FYB1: variants seen among roughly 807,000 people sequenced by gnomAD.
The protein encoded by FYB1 is FYN binding protein 1.
FYB1 carries 41 observed loss-of-function variants against 94.1 expected under a neutral mutation model. That is an observed-to-expected ratio of 0.44 (90% CI 0.34 to 0.57). The LOEUF is 0.57. Among genes scored for constraint, FYB1 ranks in the 20% least tolerant of loss-of-function variants. The probability of loss-of-function intolerance (pLI) is 0.02; values close to 1 mark genes in which losing one functional copy is unlikely to be tolerated. For missense variants in FYB1, 1,050 were observed against 976.8 expected (o/e 1.07, Z -1.00); for synonymous variants, 367 against 353.2 (o/e 1.04, Z -0.44).
chr5:39,208,534 T>C (rs915520077), intron 1 of FYB1, among the ~76,000 whole-genome samples: 3 of 152,194 alleles, frequency 2.0e-5, no homozygotes, highest in Non-Finnish European at 2.9e-5. Context: ...CTGCTGGTTC[T>C]TCTTATGGAA....
At chr5:39,142,257 G>A (rs958382593) in intron 3 of FYB1, among the ~76,000 whole-genome samples, 9 of 152,074 alleles carry the variant, frequency 5.9e-5, no homozygotes, top group African/African-American at 2.2e-4. Flanking sequence ...TATTAAAAAT[G>A]TTTACCACTT....
intron 1 of FYB1, among the ~76,000 whole-genome samples, chr5:39,245,691 C>T (rs1250501755): frequency 2.6e-5 from 4 of 152,018 alleles, no homozygotes; most frequent in East Asian, 1.9e-4. Context: ...CTCCACCTCC[C>T]GGGTTCAAGT....
chr5:39,130,649 GA>G, intron 9 of FYB1, 37 bp from the exon 10 acceptor site: 1 of 1,491,462 alleles, frequency 6.7e-7, no homozygotes, highest in Non-Finnish European at 9.2e-7. Flanking sequence ...GTTAATCTAT[GA>G]ATTACTTAGC....
At chr5:39,115,826 A>C (rs1275762253) in intron 16 of FYB1, among the ~76,000 whole-genome samples, 1 of 152,166 alleles carries the variant, frequency 6.6e-6, no homozygotes, top group Non-Finnish European at 1.5e-5. Context: ...CTTAACCCGA[A>C]AGTCAGTAAC....
intron 2 of FYB1, among the ~76,000 whole-genome samples, chr5:39,161,639 T>C (rs1200242540): frequency 3.9e-5 from 6 of 152,132 alleles, no homozygotes; most frequent in Non-Finnish European, 8.8e-5. Flanking sequence ...GGATTTACCT[T>C]ATTTTATGTG....
Position 39,270,474 on chromosome 5 carries a change from T to C in FYB1, c.-28+3929A>G, listed in dbSNP as rs561989400. Reference sequence around the variant, plus strand: ...CAAAATCCCAAAGGCTCAGAGGACCTGACTGTGAAGCACCCTCAACTCTGA... The same window carrying C: ...CAAAATCCCAAAGGCTCAGAGGACCCGACTGTGAAGCACCCTCAACTCTGA... On this transcript the variant is annotated intron_variant, in intron 1 of 1. Transcript: ENST00000510188. 30 of 1,211,136 alleles carry C rather than the reference T, an allele frequency of 2.5e-5. No individual in the cohort carries two copies. The East Asian group carries it at 7.3e-4, about 30-fold the overall frequency. The allele number at this position is 1,211,136 out of a possible 1,614,324, so 75.0% of individuals were successfully genotyped here. A position where few individuals can be genotyped will look rare whatever the true frequency, so the allele number is the denominator to read the frequency against.
upstream of FYB1, among the ~76,000 whole-genome samples, chr5:39,220,351 C>T (rs1750181853): frequency 6.7e-6 from 1 of 148,776 alleles, no homozygotes; most frequent in Non-Finnish European, 1.5e-5. Flanking sequence ...TTCAAGGCTT[C>T]AGTGAGCTAT....
chr5:39,199,706 T>A (rs1035044358), intron 2 of FYB1, among the ~76,000 whole-genome samples: 5 of 152,106 alleles, frequency 3.3e-5, no homozygotes, highest in Admixed American at 1.3e-4. Flanking sequence ...AAACTTCAGA[T>A]GGACATATAA....
At chr5:39,137,409 A>C in intron 7 of FYB1, 191 bp downstream of exon 7, 1 of 487,752 alleles carries the variant, frequency 2.1e-6, no homozygotes, top group East Asian at 4.4e-5. Context: ...TATTTATTTA[A>C]ATTTTATTAT....
chr5:39,197,433 A>T (rs1237673457), intron 2 of FYB1, among the ~76,000 whole-genome samples: 1 of 152,132 alleles, frequency 6.6e-6, no homozygotes, highest in Non-Finnish European at 1.5e-5. Context: ...TTTTTGTTGG[A>T]GTTCATGTAA....
chr5:39,164,767 C>T (rs1744570384), intron 2 of FYB1, among the ~76,000 whole-genome samples: 1 of 152,090 alleles, frequency 6.6e-6, no homozygotes, highest in Non-Finnish European at 1.5e-5. Flanking sequence ...AAAGAGAAAG[C>T]CTCGCAAAGA....
intron 1 of FYB1, among the ~76,000 whole-genome samples, chr5:39,258,182 G>T (rs887213034): frequency 1.6e-4 from 25 of 152,178 alleles, no homozygotes; most frequent in Admixed American, 4.6e-4. Context: ...TGGTAATGGA[G>T]ACCTGGAAGT....
intron 2 of FYB1, among the ~76,000 whole-genome samples, chr5:39,174,041 A>G (rs1428246100): frequency 6.6e-6 from 1 of 152,138 alleles, no homozygotes. Context: ...GGCAGGCAGT[A>G]TGGCCATTTT....
At chr5:39,216,917 G>T (rs1749915090) in intron 1 of FYB1, among the ~76,000 whole-genome samples, 1 of 152,240 alleles carries the variant, frequency 6.6e-6, no homozygotes, top group South Asian at 2.1e-4. Flanking sequence ...ATAGCTAAAT[G>T]ATTTTCCTGG....
intron 2 of FYB1, among the ~76,000 whole-genome samples, chr5:39,176,137 GT>G (rs70982547): frequency 0.018 from 1,130 of 61,538 alleles, 35 homozygotes; most frequent in African/African-American, 0.05. Flanking sequence ...TTTTTTTTCT[GT>G]TTTTTTTTTT....
chr5:39,267,914 C>T (rs1163811265), intron 1 of FYB1, among the ~76,000 whole-genome samples: 1 of 152,142 alleles, frequency 6.6e-6, no homozygotes, highest in African/African-American at 2.4e-5. Flanking sequence ...TTGTCTATAT[C>T]ACCATAAGGA....
intron 1 of FYB1, among the ~76,000 whole-genome samples, chr5:39,273,478 T>C (rs987192191): frequency 6.6e-6 from 1 of 152,158 alleles, no homozygotes; most frequent in Non-Finnish European, 1.5e-5. Flanking sequence ...GCTCAGTACA[T>C]AAGTTCCTGA....
At chr5:39,250,326 C>T (rs1254236087) in intron 1 of FYB1, among the ~76,000 whole-genome samples, 1 of 152,026 alleles carries the variant, frequency 6.6e-6, no homozygotes, top group Admixed American at 6.6e-5. Flanking sequence ...AAGTGTGATT[C>T]AAAGGATACT....
chr5:39,169,371 C>A (rs1369629085), intron 2 of FYB1: 2 of 759,724 alleles, frequency 2.6e-6, no homozygotes, highest in Non-Finnish European at 4.9e-6. Flanking sequence ...GTCAATTGAA[C>A]TAGCTTTGTG....
Sources: allele counts gnomAD v4.1 joint callset (sites outside exome capture counted in the v4.1 genomes callset), GRCh38; gene constraint gnomAD v4.1.1; transcripts MANE v1.5; gene names NCBI Gene and HGNC (gene_info 2026-07-23, HGNC 2026-07-21).